CFAP46: variants seen among roughly 807,000 people sequenced by gnomAD.
CFAP46 encodes the protein cilia and flagella associated protein 46.
Under a neutral mutation model 325.7 loss-of-function variants are expected in CFAP46, and 245 were observed. The ratio of observed to expected loss-of-function variants is 0.75; its 90% confidence interval spans 0.68 to 0.84. CFAP46 has a LOEUF of 0.84. Among genes scored for constraint, CFAP46 ranks in the 40% least tolerant of loss-of-function variants. CFAP46 has a pLI of 0.00. For missense variants in CFAP46, 3,346 were observed against 3,543.0 expected (o/e 0.94, Z 1.41); for synonymous variants, 1,523 against 1,495.9 (o/e 1.02, Z -0.42).
chr10:132,845,937 G>A, intron 44 of CFAP46, 120 bp downstream of exon 44: 4 of 1,112,538 alleles, frequency 3.6e-6, no homozygotes. Context: ...GGGAGGGATG[G>A]CTCATGAGCT....
intron 36 of CFAP46, 61 bp downstream of exon 36, chr10:132,860,721 C>G (rs952833490): frequency 1.1e-5 from 17 of 1,522,988 alleles, no homozygotes; most frequent in Admixed American, 5.9e-5. Context: ...GACGCCCTTC[C>G]TCTCCACCAA....
At position 132,860,994 on chromosome 10, in the gene CFAP46, A is replaced by C; in HGVS notation, c.4891-12T>G. 3 of 1,550,252 alleles carry C rather than the reference A, an allele frequency of 1.9e-6. No homozygotes were observed. The highest frequency in any genetic ancestry group is 2.6e-6 in the Non-Finnish European group (3 of 1,146,892). On this transcript the variant is annotated splice_polypyrimidine_tract_variant and intron_variant, in intron 35 of 57. Coordinates refer to ENST00000368586, the MANE Select transcript of CFAP46 (RefSeq NM_001200049.3). ...GGCTCATCCAGCTCCTGAAGGAGAG[A>C]AACTCAGACATGCTTGGGTTCCTCT...
intron 34 of CFAP46, among the ~76,000 whole-genome samples, chr10:132,866,780 T>C (rs1479509014): frequency 6.6e-6 from 1 of 152,240 alleles, no homozygotes; most frequent in Non-Finnish European, 1.5e-5. Flanking sequence ...TGCCCCTCCA[T>C]GGTGCTCCCA....
At chr10:132,932,756 A>T (rs1375929404) in intron 8 of CFAP46, among the ~76,000 whole-genome samples, 1 of 152,270 alleles carries the variant, frequency 6.6e-6, no homozygotes, top group African/African-American at 2.4e-5. Context: ...ATTTGTATCC[A>T]CATGCAAGGA....
At chr10:132,837,098 G>A in intron 44 of CFAP46, 184 bp from the exon 45 acceptor site, 2 of 547,700 alleles carry the variant, frequency 3.7e-6, no homozygotes, top group Admixed American at 3.4e-5. Context: ...TGCCACCAGG[G>A]GGCAGCAGAG....
At chr10:132,913,964 G>C (rs930850351) in intron 17 of CFAP46, among the ~76,000 whole-genome samples, 1 of 152,104 alleles carries the variant, frequency 6.6e-6, no homozygotes, top group Non-Finnish European at 1.5e-5. Flanking sequence ...GCTGGTTCCC[G>C]TGGCCACGAG....
chr10:132,937,418 A>C, intron 6 of CFAP46, 134 bp downstream of exon 6: 1 of 965,276 alleles, frequency 1.0e-6, no homozygotes, highest in Non-Finnish European at 1.6e-6. Flanking sequence ...ATGCTTATGT[A>C]ATTTTGTTCA....
At chr10:132,811,597 G>A (rs1036850456) in intron 55 of CFAP46, among the ~76,000 whole-genome samples, 20 of 152,344 alleles carry the variant, frequency 1.3e-4, no homozygotes, top group African/African-American at 3.4e-4. Flanking sequence ...AACCCTGGGC[G>A]CTGCCCACTT....
Position 132,866,178 on chromosome 10 carries a change from G to C in CFAP46, c.4744-7C>G. 6.6e-7 allele frequency: 1 copy of C among 1,515,270 alleles called. No homozygotes were observed. Among genetic ancestry groups the C allele is most frequent in the South Asian group, 1.3e-5 (1 of 78,396 alleles). 93.9% of individuals were successfully genotyped at this position (1,515,270 alleles called of 1,614,324 possible). On this transcript the variant is annotated splice_region_variant and splice_polypyrimidine_tract_variant and intron_variant, in intron 34 of 57. Coordinates refer to ENST00000368586, the MANE Select transcript of CFAP46 (RefSeq NM_001200049.3). ...CCCCATTCATCTTCAAAATCTGTAA[G>C]ATACCGCAGCCCCAGGCGGCACGAT...
Position 132,828,024 on chromosome 10 carries a change from G to A in CFAP46, c.7117+5334C>T, listed in dbSNP as rs544209688. On this transcript the variant is annotated intron_variant, in intron 50 of 57. Transcript: ENST00000368586. The surrounding 1 kb of genome is among the most constrained non-coding windows in gnomAD (Gnocchi z 4.9). Reference sequence around the variant, plus strand: ...ACGCTGTCCCACGCACCAACAGCTCGCCCCTCATTGCCGGGCAGGACCCCA... The same window carrying A: ...ACGCTGTCCCACGCACCAACAGCTCACCCCTCATTGCCGGGCAGGACCCCA... 6.6e-5 allele frequency among the ~76,000 whole-genome samples: 10 copies of A among 151,938 alleles called. No individual in the cohort carries two copies. The East Asian group carries it at 9.7e-4, about 15-fold the overall frequency.
chr10:132,879,523 C>T lies in CFAP46; in HGVS notation c.3908G>A (p.Arg1303His), dbSNP rs1478616499. ...RSVRQLEALARVHILLALVLS... is the reference protein window; with the variant it reads ...RSVRQLEALAHVHILLALVLS... ...CACCAGGGCCAGCAGGATGTGCACG[C>T]GGGCCAGCGCCTCCAGCTGCCGCAC... The change falls in exon 29 of 58, where the codon CGC becomes CAC. Residue 1303 changes from arginine (R) to histidine (H), a missense_variant. By Grantham distance (29) the Arg-to-His change is conservative. Coordinates refer to ENST00000368586, the MANE Select transcript of CFAP46 (RefSeq NM_001200049.3). The T allele has an allele frequency of 9.0e-6, 14 of 1,547,022 alleles. No individual in the cohort carries two copies. Among genetic ancestry groups the T allele is most frequent in the African/African-American group, 2.7e-5 (2 of 72,972 alleles).
In CFAP46 at chr10:132,811,037, G is replaced by A. The variant is rs760895014; in HGVS notation, c.7502-6C>T. ...CAGGACTGCCACCTGGCACTCTGCC[G>A]GGACGGGAAGGGCAGCTCAGCAGCC... On this transcript the variant is annotated splice_polypyrimidine_tract_variant and splice_region_variant and intron_variant, in intron 55 of 57. Transcript: ENST00000368586. 55 of 1,578,454 alleles carry A rather than the reference G, an allele frequency of 3.5e-5. No homozygotes were observed. Among genetic ancestry groups the A allele is most frequent in the Admixed American group, 7.2e-5 (4 of 55,928 alleles).
intron 25 of CFAP46, among the ~76,000 whole-genome samples, chr10:132,890,765 C>CTCA (rs1410306310): frequency 6.6e-6 from 1 of 152,178 alleles, no homozygotes; most frequent in East Asian, 1.9e-4. Flanking sequence ...GTGCGTCGGG[C>CTCA]TCATGCCTGC....
chr10:132,913,622 G>C (rs563923052), intron 17 of CFAP46, among the ~76,000 whole-genome samples: 4 of 152,308 alleles, frequency 2.6e-5, no homozygotes, highest in African/African-American at 7.2e-5. Flanking sequence ...TGGAAAAACT[G>C]TCTCCCACGA....
chr10:132,929,053 C>A (rs1403552572), intron 9 of CFAP46: 1 of 161,740 alleles, frequency 6.2e-6, no homozygotes, highest in Non-Finnish European at 1.3e-5. Flanking sequence ...TACGGTAGCC[C>A]CCCCTTCTCT....
In CFAP46 at chr10:132,918,430, A is replaced by C. The variant is rs773712894; in HGVS notation, c.1949T>G (p.Leu650Arg). The stretch of plus-strand genomic sequence containing the variant: ...GAACCCCACCTCCGCGAACTTCCGC[A>C]GCAGGTCGGGGCACACCTGCCTCTG... ...VLQRQVCPDL[L>R]RKFAEVGFIH... Residue 650 changes from leucine to arginine, a missense_variant, in exon 16 of 58, where the codon CTG (leucine) becomes CGG (arginine). Leu to Arg is a moderately radical substitution (Grantham distance 102). Transcript: ENST00000368586. The C allele has an allele frequency of 6.5e-7, 1 of 1,549,052 alleles. No homozygotes were observed. The highest frequency in any genetic ancestry group is 2.0e-5 in the Admixed American group (1 of 50,932).
intron 50 of CFAP46, among the ~76,000 whole-genome samples, chr10:132,821,150 GCT>G (rs1847806401): frequency 7.4e-6 from 1 of 134,678 alleles, no homozygotes; most frequent in African/African-American, 2.8e-5. Context: ...CTGTGTGAGT[GCT>G]GATGTGTGCT....
rs1038943814 is a variant in CFAP46, at chr10:132,934,691, G to T, written c.866+61C>A. Reference sequence around the variant, plus strand: ...TTTACATTTTTTCACATTTTTCAGTGCCTGCTAAATTTTGTACAACGATTA... The same window carrying T: ...TTTACATTTTTTCACATTTTTCAGTTCCTGCTAAATTTTGTACAACGATTA... On this transcript the variant is annotated intron_variant, in intron 8 of 57. Transcript: ENST00000368586. 10 of 1,137,428 alleles carry T rather than the reference G, an allele frequency of 8.8e-6. No homozygotes were observed. The African/African-American group carries it at 1.2e-4, about 14-fold the overall frequency. The allele number at this position is 1,137,428 out of a possible 1,614,324, so 70.5% of individuals were successfully genotyped here.
chr10:132,922,568 T>C lies in CFAP46; in HGVS notation c.1397A>G (p.Gln466Arg), dbSNP rs1321875105. 2.6e-6 allele frequency: 4 copies of C among 1,548,566 alleles called. No individual in the cohort carries two copies. In the Admixed American group the frequency reaches 7.8e-5, roughly 30 times the overall value. ...DSLGLYRDRI[Q>R]MASTRLRLCT... ...CAGACGCAGCCGGGTGGAGGCCATC[T>C]GGATCCTGTCCCGGTAGAGGCCCAG... Residue 466 changes from glutamine to arginine, a missense_variant, in exon 12 of 58, where the codon CAG becomes CGG. Gln to Arg is a conservative substitution (Grantham distance 43). Coordinates refer to ENST00000368586, the MANE Select transcript of CFAP46 (RefSeq NM_001200049.3).
Sources: allele counts gnomAD v4.1 joint callset (sites outside exome capture counted in the v4.1 genomes callset), GRCh38; gene constraint gnomAD v4.1.1; non-coding constraint Gnocchi (gnomAD v3.1); transcripts MANE v1.5; gene names NCBI Gene and HGNC (gene_info 2026-07-23, HGNC 2026-07-21).